Variants in PUS7L observed in about 807,000 individuals in gnomAD.
The protein encoded by PUS7L is pseudouridine synthase 7 like.
A neutral mutation model predicts 51.1 loss-of-function variants in PUS7L; 49 were observed. The observed-to-expected ratio is 0.96, with a 90% CI of 0.76 to 1.22. The LOEUF is 1.22. PUS7L is among the 50% of genes most tolerant of loss of function. PUS7L has a pLI of 0.00. For synonymous variants in PUS7L, 277 were observed against 276.2 expected (o/e 1.00, Z -0.03); for missense variants, 828 against 820.6 (o/e 1.01, Z -0.11).
At chr12:43,741,204 T>C (rs2094354214) in intron 5 of PUS7L, 1 of 152,234 alleles carries the variant, frequency 6.6e-6, no homozygotes, top group Admixed American at 6.5e-5. Flanking sequence ...TTTGCTTAAA[T>C]GTTATGAGAA....
intron 7 of PUS7L, among the ~76,000 whole-genome samples, chr12:43,732,487 T>C (rs1944581377): frequency 1.3e-5 from 2 of 152,080 alleles, no homozygotes; most frequent in Admixed American, 6.5e-5. Flanking sequence ...AGAGGTGGTA[T>C]TTCTCAGCAT....
In PUS7L at chr12:43,748,640, A is replaced by G. The variant is rs1422270939; in HGVS notation, c.911-31T>C. On this transcript the variant is annotated intron_variant, in intron 2 of 8. Transcript: ENST00000344862. ...ACAAAAAAAAAACTTAGATCACAAA[A>G]AAAGCAGCTACCATACATCAATTAC... 2.0e-5 allele frequency: 30 copies of G among 1,529,376 alleles called. No individual in the cohort carries two copies. In the East Asian group the frequency reaches 6.5e-4, roughly 33 times the overall value. 94.7% of individuals were successfully genotyped at this position (1,529,376 alleles called of 1,614,324 possible). A position where few individuals can be genotyped will look rare whatever the true frequency, so the allele number is the denominator to read the frequency against.
chr12:43,743,178 G>C (rs779807708), intron 4 of PUS7L, among the ~76,000 whole-genome samples: 3 of 152,112 alleles, frequency 2.0e-5, no homozygotes, highest in Non-Finnish European at 4.4e-5. Context: ...TACAGGCCAT[G>C]TTTTAAAACT....
intron 5 of PUS7L, 51 bp from the exon 6 acceptor site, chr12:43,738,442 T>C: frequency 2.1e-6 from 2 of 968,448 alleles, no homozygotes; most frequent in African/African-American, 1.6e-5. Flanking sequence ...TCAAATTACT[T>C]TCTTTAAAAA....
chr12:43,744,142 T>C (rs1938049454), intron 4 of PUS7L, among the ~76,000 whole-genome samples: 2 of 152,220 alleles, frequency 1.3e-5, no homozygotes, highest in Non-Finnish European at 2.9e-5. Context: ...CTTCTACCTT[T>C]TTAAAGTATA....
chr12:43,758,656 C>CCA, intron 1 of PUS7L, 74 bp downstream of exon 1: 1 of 527,496 alleles, frequency 1.9e-6, no homozygotes, highest in Non-Finnish European at 2.2e-6. Flanking sequence ...ACCTCGTCAC[C>CCA]CCCCCCCCCC....
chr12:43,742,528 G>A lies in PUS7L; in HGVS notation c.1291C>T (p.Pro431Ser), dbSNP rs773878975. 1.3e-5 allele frequency: 21 copies of A among 1,606,132 alleles called. No individual in the cohort carries two copies. In the Admixed American group the frequency reaches 3.1e-4, roughly 24 times the overall value. ...KKKGFVNYYG[P>S]QRFGKGRKVH... ...TTCCTTCCCTTCCCAAATCTCTGTGGTCCATAGTAATTCACAAAGCCTTTT... is the reference window on the plus strand; with the variant it reads ...TTCCTTCCCTTCCCAAATCTCTGTGATCCATAGTAATTCACAAAGCCTTTT... The change falls in exon 5 of 9, where the codon CCA becomes TCA. Residue 431 changes from proline to serine, a missense_variant. Transcript: ENST00000344862.
At chr12:43,746,556 A>T (rs1380085478) in intron 3 of PUS7L, among the ~76,000 whole-genome samples, 1 of 152,140 alleles carries the variant, frequency 6.6e-6, no homozygotes, top group Non-Finnish European at 1.5e-5. Flanking sequence ...CCTGTCCCCA[A>T]CTCTGCTCCT....
intron 1 of PUS7L, 183 bp downstream of exon 1, chr12:43,758,543 TCTAC>T (rs1359217115): frequency 2.7e-5 from 27 of 985,318 alleles, no homozygotes; most frequent in Non-Finnish European, 1.9e-5. Flanking sequence ...GGCCAGCAGC[TCTAC>T]CTGTTTCTTC....
chr12:43,745,661 A>G (rs1938127203), intron 4 of PUS7L, among the ~76,000 whole-genome samples: 3 of 152,184 alleles, frequency 2.0e-5, no homozygotes, highest in Admixed American at 2.0e-4. Context: ...AGAATGGACT[A>G]ATACAGTGTG....
chr12:43,735,708 G>T (rs1426012249), intron 7 of PUS7L, among the ~76,000 whole-genome samples: 1 of 152,008 alleles, frequency 6.6e-6, no homozygotes, highest in Non-Finnish European at 1.5e-5. Context: ...AACAACAGAG[G>T]TTGAGTCTCT....
intron 8 of PUS7L, among the ~76,000 whole-genome samples, chr12:43,731,302 C>T (rs1044321743): frequency 1.3e-5 from 2 of 152,148 alleles, no homozygotes; most frequent in Non-Finnish European, 2.9e-5. Flanking sequence ...ATGAATGAAT[C>T]TGAAATTCAC....
rs573137225 is a variant in PUS7L at position 43,724,039 on chromosome 12, A to C, written c.*6337T>G. The stretch of plus-strand genomic sequence containing the variant: ...CAAATATACTCATGTTTGAAATTCA[A>C]ACATCAAAAGTAAATGGAGGAAAAA... On this transcript the variant is annotated 3_prime_UTR_variant, in exon 9 of 9. Transcript: ENST00000344862. 17 of 152,222 alleles carry C rather than the reference A, an allele frequency of 1.1e-4. No homozygotes were observed. The highest frequency in any genetic ancestry group is 2.1e-4 in the Non-Finnish European group (14 of 67,958). The allele number at this position is 152,222 out of a possible 1,614,324, so 9.4% of individuals were successfully genotyped here.
At chr12:43,753,845 T>C (rs1938567450) in intron 2 of PUS7L, among the ~76,000 whole-genome samples, 1 of 152,194 alleles carries the variant, frequency 6.6e-6, no homozygotes, top group Non-Finnish European at 1.5e-5. Flanking sequence ...ACATCTTGTC[T>C]AAAGACCAGC....
At position 43,720,450 on chromosome 12, in the gene PUS7L, C is replaced by A. The variant is rs983761780; in HGVS notation, c.*9926G>T. 6.6e-6 allele frequency: 1 copy of A among 152,130 alleles called. No individual in the cohort carries two copies. The highest frequency in any genetic ancestry group is 1.5e-5 in the Non-Finnish European group (1 of 68,058). The allele number at this position is 152,130 out of a possible 1,614,324, so 9.4% of individuals were successfully genotyped here. On this transcript the variant is annotated 3_prime_UTR_variant, in exon 9 of 9. Coordinates refer to ENST00000344862, the MANE Select transcript of PUS7L (RefSeq NM_031292.5). ...AGTGAGCCAAGATCGTGCCACTGCACGGGTGATAGAGTGAGACTCCATCAC... is the reference window on the plus strand; with the variant it reads ...AGTGAGCCAAGATCGTGCCACTGCAAGGGTGATAGAGTGAGACTCCATCAC...
Position 43,736,555 on chromosome 12 carries a change from C to T in PUS7L, c.1551G>A (p.Gln517=), listed in dbSNP as rs778043878. The T allele has an allele frequency of 6.2e-7, 1 of 1,613,996 alleles. No individual in the cohort carries two copies. Among genetic ancestry groups the T allele is most frequent in the Non-Finnish European group, 8.5e-7 (1 of 1,180,040 alleles). ...RFGMTEEGCI[Q]AWFSLPHSMR... is the part of the protein sequence containing the mutation. The stretch of plus-strand genomic sequence containing the variant: ...TGGAATGGGGTAAAGAGAACCATGC[C>T]TGGATACAACCTTCCTCGGTCATGC... Residue 517 remains glutamine, a synonymous_variant, in exon 7 of 9, where the codon CAG becomes CAA. Transcript: ENST00000344862.
chr12:43,750,917 G>A (rs1326353636), intron 2 of PUS7L, among the ~76,000 whole-genome samples: 1 of 152,184 alleles, frequency 6.6e-6, no homozygotes, highest in African/African-American at 2.4e-5. Flanking sequence ...ACAAAGCTTT[G>A]TAGAGAAGAA....
chr12:43,734,858 G>A (rs879714101), intron 7 of PUS7L, among the ~76,000 whole-genome samples: 20 of 152,238 alleles, frequency 1.3e-4, no homozygotes, highest in African/African-American at 4.8e-4. Context: ...TGTTACATAC[G>A]AAAGTGTTAC....
Position 43,736,600 on chromosome 12 carries a change from CA to C in PUS7L, c.1505del (p.Leu502TrpfsTer9), listed in dbSNP as rs755709518. 8 of 1,613,996 alleles carry C rather than the reference CA, an allele frequency of 5.0e-6. No individual in the cohort carries two copies. In the South Asian group the frequency reaches 7.7e-5, roughly 16 times the overall value. ...PEFKVRERAL[L>X]EALHRFGMTE... is the part of the protein sequence containing the mutation. ...TCATGCCAAAGCGGTGCAATGCCTC[CA>C]ACAATGCTCTCTCACGCACTTTGAA... On this transcript the variant is annotated frameshift_variant, in exon 7 of 9. Transcript: ENST00000344862. LOFTEE classifies it high-confidence loss of function.
Sources: allele counts gnomAD v4.1 joint callset (sites outside exome capture counted in the v4.1 genomes callset), GRCh38; gene constraint gnomAD v4.1.1; transcripts MANE v1.5; gene names NCBI Gene and HGNC (gene_info 2026-07-23, HGNC 2026-07-21).